The following RAB33A variants were observed in gnomAD, a reference collection of about 807,000 sequenced individuals.
RAB33A encodes ras-related protein Rab-33A.
In RAB33A, 6 loss-of-function variants were observed where a neutral mutation model predicts 12.0. The ratio of observed to expected loss-of-function variants is 0.50; its 90% CI spans 0.27 to 0.99. RAB33A has a LOEUF of 0.99. Ranked by LOEUF, RAB33A falls within the 50% of genes least tolerant of loss-of-function variation. The pLI is 0.11. For synonymous variants in RAB33A, 70 were observed against 82.4 expected (o/e 0.85, Z 0.81); for missense variants, 109 against 192.0 (o/e 0.57, Z 2.55).
upstream of RAB33A, among the ~76,000 whole-genome samples, chrX:130,169,706 CA>C (rs1351411678): frequency 4.5e-5 from 5 of 112,139 alleles, no homozygotes; most frequent in South Asian, 1.4e-3. Context: ...TTCTTCCTTA[CA>C]AAAGTAGACT....
chrX:130,131,627 AC>A, the RAB33A span: 1 of 1,206,026 alleles, frequency 8.3e-7, no homozygotes, highest in South Asian at 1.8e-5. Context: ...GAGAATCTGG[AC>A]CACTGCTTCT....
chrX:130,153,397 T>C, the RAB33A span, among the ~76,000 whole-genome samples: 1 of 108,044 alleles, frequency 9.3e-6, no homozygotes, highest in Non-Finnish European at 1.9e-5. Context: ...CTCCCTTTTT[T>C]TGGAGGGTAA....
the RAB33A span, among the ~76,000 whole-genome samples, chrX:130,128,176 A>C: frequency 2.7e-3 from 298 of 111,891 alleles, 1 homozygote; most frequent in African/African-American, 9.1e-3. Flanking sequence ...AATCAAACCC[A>C]ATATTTAAAA....
the RAB33A span, chrX:130,137,559 G>C: frequency 8.6e-7 from 1 of 1,161,601 alleles, no homozygotes; most frequent in Non-Finnish European, 1.1e-6. Context: ...TAGTTGCCAT[G>C]AAACATTCCA....
At chrX:130,182,209 AATAT>A (rs1221369975) in intron 1 of RAB33A, among the ~76,000 whole-genome samples, 1 of 99,851 alleles carries the variant, frequency 1.0e-5, no homozygotes, top group Non-Finnish European at 2.0e-5. Flanking sequence ...ATATACACAC[AATAT>A]ATATAACATA....
chrX:130,171,213 G>A (rs1287702865), upstream of RAB33A, among the ~76,000 whole-genome samples: 2 of 113,161 alleles, frequency 1.8e-5, no homozygotes, highest in East Asian at 5.6e-4. Flanking sequence ...AACCCACTGC[G>A]TGTCTTGGCA....
chrX:130,131,867 A>C, the RAB33A span: 3 of 1,156,038 alleles, frequency 2.6e-6, no homozygotes, highest in Non-Finnish European at 3.5e-6. Flanking sequence ...CATATTCTCC[A>C]TGACACTGCA....
At chrX:130,183,755 A>G (rs1000734507) in intron 1 of RAB33A, among the ~76,000 whole-genome samples, 3 of 112,069 alleles carry the variant, frequency 2.7e-5, no homozygotes, top group Admixed American at 1.9e-4. Context: ...AAAAATCTTA[A>G]GATTTTTTTC....
chrX:130,121,130 T>C, the RAB33A span, among the ~76,000 whole-genome samples: 1 of 112,607 alleles, frequency 8.9e-6, no homozygotes, highest in African/African-American at 3.2e-5. Context: ...GCGCCTCTTC[T>C]GGGGAAGCAG....
the RAB33A span, among the ~76,000 whole-genome samples, chrX:130,164,733 T>C: frequency 1.8e-5 from 2 of 111,705 alleles, no homozygotes; most frequent in African/African-American, 6.5e-5. Context: ...GGAAGCAGTA[T>C]GGAGTTGCAG....
chrX:130,166,642 C>A, the RAB33A span, among the ~76,000 whole-genome samples: 1 of 112,559 alleles, frequency 8.9e-6, no homozygotes, highest in South Asian at 3.6e-4. Flanking sequence ...ATTCAGCTTA[C>A]ATATTCATTT....
chrX:130,148,002 T>C, the RAB33A span: 1 of 807,900 alleles, frequency 1.2e-6, no homozygotes, highest in Non-Finnish European at 1.9e-6. Flanking sequence ...ACATATGACC[T>C]ACGCTAATCT....
At chrX:130,129,315 G>A in the RAB33A span, 5 of 412,669 alleles carry the variant, frequency 1.2e-5, no homozygotes, top group Non-Finnish European at 2.1e-5. Context: ...TCTAATATGC[G>A]TGGCTTTCCA....
At chrX:130,137,972 G>C in the RAB33A span, 12 of 122,686 alleles carry the variant, frequency 9.8e-5, no homozygotes, top group Non-Finnish European at 1.7e-4. Context: ...TGAGACAGGA[G>C]AATCGCTTGA....
chrX:130,116,167 G>A, the RAB33A span, among the ~76,000 whole-genome samples: 27 of 99,848 alleles, frequency 2.7e-4, no homozygotes, highest in African/African-American at 9.5e-4. Context: ...ATGCAATGGC[G>A]CGATCTCAGC....
chrX:130,169,331 TTAAA>T (rs1368289159), upstream of RAB33A, among the ~76,000 whole-genome samples: 13 of 111,720 alleles, frequency 1.2e-4, no homozygotes, highest in African/African-American at 4.2e-4. Context: ...CATGGATTGA[TTAAA>T]TACAAAGTTA....
the RAB33A span, among the ~76,000 whole-genome samples, chrX:130,120,206 A>C: frequency 9.0e-6 from 1 of 110,829 alleles, no homozygotes; most frequent in African/African-American, 3.3e-5. Context: ...ATAAGCCCTT[A>C]GTTTTTTGTT....
the RAB33A span, among the ~76,000 whole-genome samples, chrX:130,138,383 T>C: frequency 9.0e-6 from 1 of 111,210 alleles, no homozygotes; most frequent in East Asian, 2.8e-4. Flanking sequence ...GAGAATGGCC[T>C]GAACCCGGGA....
At chrX:130,155,314 A>C in the RAB33A span, 1 of 1,194,374 alleles carries the variant, frequency 8.4e-7, no homozygotes, top group African/African-American at 1.8e-5. Context: ...GCCAAGAGAG[A>C]AACAAAAGGA....
Sources: allele counts gnomAD v4.1 joint callset (sites outside exome capture counted in the v4.1 genomes callset), GRCh38; gene constraint gnomAD v4.1.1; transcripts MANE v1.5; gene names NCBI Gene and HGNC (gene_info 2026-07-23, HGNC 2026-07-21).